The following RSU1 variants were observed in gnomAD, a reference collection of about 807,000 sequenced individuals.
RSU1 encodes the protein Ras suppressor protein 1.
Under a neutral mutation model 31.1 loss-of-function variants are expected in RSU1, and 26 were observed. The ratio of observed to expected loss-of-function variants is 0.84; its 90% confidence interval spans 0.61 to 1.16. The LOEUF is 1.16. Ranked by LOEUF, RSU1 falls within the 50% of genes most tolerant of loss-of-function variation. The pLI, the probability that RSU1 is intolerant of heterozygous loss-of-function variation, is 0.00. For missense variants in RSU1, 320 were observed against 339.1 expected (o/e 0.94, Z 0.44); for synonymous variants, 164 against 136.3 (o/e 1.20, Z -1.41).
intron 8 of RSU1, among the ~76,000 whole-genome samples, chr10:16,614,970 G>C (rs149820796): frequency 6.6e-6 from 1 of 152,146 alleles, no homozygotes; most frequent in African/African-American, 2.4e-5. Flanking sequence ...TGAAGAAACT[G>C]CATCAACTAA....
At chr10:16,604,374 G>A (rs1346820529) in intron 8 of RSU1, among the ~76,000 whole-genome samples, 1 of 152,140 alleles carries the variant, frequency 6.6e-6, no homozygotes, top group East Asian at 1.9e-4. Context: ...TGAAAACGGG[G>A]GAGAAAATGC....
intron 4 of RSU1, among the ~76,000 whole-genome samples, chr10:16,763,965 C>T (rs1837259591): frequency 1.3e-5 from 2 of 152,118 alleles, no homozygotes; most frequent in East Asian, 3.9e-4. Flanking sequence ...ATGAATGAAG[C>T]ATCATTAGGG....
chr10:16,716,581 T>A (rs1343697065), intron 7 of RSU1, among the ~76,000 whole-genome samples: 2 of 151,984 alleles, frequency 1.3e-5, no homozygotes, highest in African/African-American at 4.8e-5. Context: ...ACCACACTCA[T>A]CAGGTGAGAT....
intron 8 of RSU1, among the ~76,000 whole-genome samples, chr10:16,628,543 A>C (rs1451054631): frequency 6.6e-6 from 1 of 152,258 alleles, no homozygotes; most frequent in Admixed American, 6.5e-5. Flanking sequence ...AAACTGCAAG[A>C]AATTTTACAC....
In RSU1 at chr10:16,680,169, A is replaced by G. The variant is rs977892586; in HGVS notation, c.731+14854T>C. ...AGTGCTGGGATTACAGGTGTGAGAC[A>G]TCGCACAAAGCCAAAAACCGGATTT... On this transcript the variant is annotated intron_variant, in intron 8 of 8. Coordinates refer to ENST00000345264, the MANE Select transcript of RSU1 (RefSeq NM_012425.4). Among the ~76,000 whole-genome samples, 7 of 152,132 alleles carry G rather than the reference A, an allele frequency of 4.6e-5. No homozygotes were observed. The East Asian group carries it at 1.4e-3, about 29-fold the overall frequency.
chr10:16,605,586 T>G (rs1172491935), intron 8 of RSU1, among the ~76,000 whole-genome samples: 1 of 152,172 alleles, frequency 6.6e-6, no homozygotes, highest in Non-Finnish European at 1.5e-5. Context: ...ATGGAGTGAC[T>G]GAACATCTGA....
At chr10:16,664,584 T>A (rs929727536) in intron 8 of RSU1, among the ~76,000 whole-genome samples, 3 of 152,016 alleles carry the variant, frequency 2.0e-5, no homozygotes, top group African/African-American at 7.3e-5. Flanking sequence ...TGGGTTAGAG[T>A]CTGCAGTCCC....
intron 8 of RSU1, among the ~76,000 whole-genome samples, chr10:16,658,833 T>C (rs567982542): frequency 6.6e-6 from 1 of 152,354 alleles, no homozygotes; most frequent in East Asian, 1.9e-4. Flanking sequence ...GAACTTAGAC[T>C]ATACATGTCT....
At chr10:16,649,691 T>A (rs58835640) in intron 8 of RSU1, among the ~76,000 whole-genome samples, 9,323 of 152,076 alleles carry the variant, frequency 0.061, 974 homozygotes, top group African/African-American at 0.21. Flanking sequence ...CTGAATTTAG[T>A]ATAAAAATTC....
chr10:16,778,616 T>C (rs1162975867), intron 3 of RSU1, among the ~76,000 whole-genome samples: 2 of 151,838 alleles, frequency 1.3e-5, no homozygotes, highest in African/African-American at 2.4e-5. Flanking sequence ...CAAGAGAGTT[T>C]GGGGAGGAAA....
At chr10:16,764,842 T>C (rs539688428) in intron 3 of RSU1, among the ~76,000 whole-genome samples, 1 of 152,218 alleles carries the variant, frequency 6.6e-6, no homozygotes, top group African/African-American at 2.4e-5. Flanking sequence ...TTAAGAAGCA[T>C]ATATACTTAT....
chr10:16,780,723 C>T (rs1486517074), intron 3 of RSU1, among the ~76,000 whole-genome samples: 1 of 152,338 alleles, frequency 6.6e-6, no homozygotes, highest in South Asian at 2.1e-4. Context: ...CGCTTCAAAA[C>T]AGACCATGAA....
intron 8 of RSU1, among the ~76,000 whole-genome samples, chr10:16,604,742 T>C (rs1207470483): frequency 6.6e-6 from 1 of 152,160 alleles, no homozygotes; most frequent in African/African-American, 2.4e-5. Flanking sequence ...GGTCTGGCTG[T>C]GCTTCCCTGA....
At chr10:16,696,233 G>A (rs190310602) in intron 7 of RSU1, among the ~76,000 whole-genome samples, 21 of 152,230 alleles carry the variant, frequency 1.4e-4, no homozygotes, top group Non-Finnish European at 2.1e-4. Flanking sequence ...AGACACAACC[G>A]AAGTTACGTG....
intron 8 of RSU1, among the ~76,000 whole-genome samples, chr10:16,691,243 CAA>C (rs1043319882): frequency 6.2e-4 from 95 of 152,140 alleles, no homozygotes; most frequent in African/African-American, 2.2e-3. Context: ...CTGCTTCACA[CAA>C]AGAGTTGAGT....
intron 7 of RSU1, among the ~76,000 whole-genome samples, chr10:16,737,026 G>GT (rs1836641463): frequency 6.6e-6 from 1 of 150,624 alleles, no homozygotes; most frequent in Non-Finnish European, 1.5e-5. Context: ...GGATGGTGGG[G>GT]GAGGGGAGGG....
intron 4 of RSU1, among the ~76,000 whole-genome samples, chr10:16,755,495 AC>A (rs888928705): frequency 6.6e-6 from 1 of 152,026 alleles, no homozygotes; most frequent in African/African-American, 2.4e-5. Context: ...CTTATGGTGT[AC>A]AACATGATAC....
intron 2 of RSU1, among the ~76,000 whole-genome samples, chr10:16,785,916 A>T (rs566143923): frequency 4.3e-4 from 65 of 152,306 alleles, no homozygotes; most frequent in African/African-American, 1.5e-3. Context: ...CCTGTTCCTC[A>T]CCAAACTCTA....
At chr10:16,639,504 C>T (rs987714627) in intron 8 of RSU1, among the ~76,000 whole-genome samples, 8 of 152,076 alleles carry the variant, frequency 5.3e-5, no homozygotes, top group South Asian at 2.1e-4. Flanking sequence ...ACAATTAATG[C>T]GGGTTTAAAG....
Sources: allele counts gnomAD v4.1 joint callset (sites outside exome capture counted in the v4.1 genomes callset), GRCh38; gene constraint gnomAD v4.1.1; transcripts MANE v1.5; gene names NCBI Gene and HGNC (gene_info 2026-07-23, HGNC 2026-07-21).